AGK: variants seen among roughly 807,000 people sequenced by gnomAD.
AGK encodes acylglycerol kinase, mitochondrial.
A neutral mutation model predicts 66.4 loss-of-function variants in AGK; 52 were observed. The ratio of observed to expected loss-of-function variants is 0.78; its 90% CI spans 0.63 to 0.99. AGK has a LOEUF of 0.99. Among genes scored for constraint, AGK ranks in the 50% least tolerant of loss-of-function variants. The pLI is 0.00. For synonymous variants in AGK, 182 were observed against 181.1 expected (o/e 1.00, Z -0.04); for missense variants, 451 against 506.6 (o/e 0.89, Z 1.05).
At position 141,634,461 on chromosome 7, in the gene AGK, GGCGCCTGGCTGT is replaced by G. The variant is rs1797126919; in HGVS notation, c.668+484_668+495del. On this transcript the variant is annotated intron_variant, in intron 10 of 15. Transcript: ENST00000649286. Reference sequence around the variant, plus strand: ...CTGCTCTTAGAGGAGGAAGAAAGGCGGCGCCTGGCTGTGCTGTGAGATGGGAGAAACAGGCCT... The same window carrying G: ...CTGCTCTTAGAGGAGGAAGAAAGGCGGCTGTGAGATGGGAGAAACAGGCCT... 1.3e-5 allele frequency among the ~76,000 whole-genome samples: 2 copies of G among 152,216 alleles called. 1 individual carries two copies. Among genetic ancestry groups the G allele is most frequent in the Non-Finnish European group, 2.9e-5 (2 of 68,048 alleles).
At chr7:141,559,702 CA>C (rs1189271311) in intron 2 of AGK, among the ~76,000 whole-genome samples, 1 of 152,114 alleles carries the variant, frequency 6.6e-6, no homozygotes, top group African/African-American at 2.4e-5. Flanking sequence ...GACATTTGAA[CA>C]ATATTAAGTC....
At chr7:141,607,229 C>T (rs1279451643) in intron 5 of AGK, among the ~76,000 whole-genome samples, 1 of 152,134 alleles carries the variant, frequency 6.6e-6, no homozygotes, top group South Asian at 2.1e-4. Flanking sequence ...TTATCGGAAA[C>T]TGCCGTTCAA....
At chr7:141,584,767 A>G (rs1795961826) in intron 2 of AGK, among the ~76,000 whole-genome samples, 1 of 152,228 alleles carries the variant, frequency 6.6e-6, no homozygotes, top group South Asian at 2.1e-4. Context: ...ACTTTTCACC[A>G]TCAGCAATGC....
Position 141,633,881 on chromosome 7 carries a change from G to T in AGK, c.589-20G>T, listed in dbSNP as rs751876434. ...AGTGATTATAGTCATGAATTTAAAT[G>T]AAATGTATTTAACTTCCAGGGTGAA... is the stretch of plus-strand genomic sequence containing the variant. On this transcript the variant is annotated intron_variant, in intron 9 of 15. Coordinates refer to ENST00000649286, the MANE Select transcript of AGK (RefSeq NM_018238.4). 1.0e-5 allele frequency: 16 copies of T among 1,599,290 alleles called. No individual in the cohort carries two copies. The Admixed American group carries it at 1.8e-4, about 18-fold the overall frequency.
intron 2 of AGK, among the ~76,000 whole-genome samples, chr7:141,575,816 C>T (rs527725734): frequency 6.6e-6 from 1 of 151,968 alleles, no homozygotes; most frequent in South Asian, 2.1e-4. Context: ...AAATTCATAT[C>T]TCTGGGGTGA....
chr7:141,655,164 T>C lies in AGK; in HGVS notation c.*2240T>C, dbSNP rs1008493180. ...GCTCATTTTGTGGTTCTAATCATAATGGTACATATAATTAGGGAAGGATAT... is the reference window on the plus strand; with the variant it reads ...GCTCATTTTGTGGTTCTAATCATAACGGTACATATAATTAGGGAAGGATAT... On this transcript the variant is annotated 3_prime_UTR_variant, in exon 16 of 16. Coordinates refer to ENST00000649286, the MANE Select transcript of AGK (RefSeq NM_018238.4). The C allele has an allele frequency of 7.2e-5, 11 of 152,254 alleles. No individual in the cohort carries two copies. The highest frequency in any genetic ancestry group is 2.4e-4 in the African/African-American group (10 of 41,474). 9.4% of individuals were successfully genotyped at this position (152,254 alleles called of 1,614,324 possible).
At chr7:141,565,685 ATCC>A (rs1795453031) in intron 2 of AGK, among the ~76,000 whole-genome samples, 1 of 151,564 alleles carries the variant, frequency 6.6e-6, no homozygotes, top group African/African-American at 2.4e-5. Context: ...ATCATCCTTT[ATCC>A]TCCTTCATTC....
In AGK at chr7:141,615,506, A is replaced by G. The variant is rs1796684487; in HGVS notation, c.459A>G (p.Pro153=). 1 of 1,613,798 alleles carries G rather than the reference A, an allele frequency of 6.2e-7. No homozygotes were observed. Among genetic ancestry groups the G allele is most frequent in the Non-Finnish European group, 8.5e-7 (1 of 1,179,860 alleles). ...GTAAGATTCCCATTGGATTTATCCC[A>G]CTGGGAGAGACCAGTAGTTTGAGTC... ...TFSKIPIGFI[P]LGETSSLSHT... The change falls in exon 8 of 16, where the codon CCA becomes CCG. Residue 153 remains proline, a synonymous_variant. Coordinates refer to ENST00000649286, the MANE Select transcript of AGK (RefSeq NM_018238.4).
At chr7:141,619,643 A>G (rs1054996610) in intron 8 of AGK, among the ~76,000 whole-genome samples, 12 of 152,120 alleles carry the variant, frequency 7.9e-5, no homozygotes, top group African/African-American at 2.7e-4. Context: ...ATGAGATGCC[A>G]CTATGCATCT....
Position 141,641,398 on chromosome 7 carries a change from G to C in AGK, c.877G>C (p.Ala293Pro). 1 of 1,609,052 alleles carries C rather than the reference G, an allele frequency of 6.2e-7. No individual in the cohort carries two copies. Among genetic ancestry groups the C allele is most frequent in the Non-Finnish European group, 8.5e-7 (1 of 1,178,448 alleles). The change falls in exon 12 of 16, where the codon GCC becomes CCC. Residue 293 changes from alanine (A) to proline (P), a missense_variant and splice_region_variant. Physicochemically the swap from Ala to Pro is conservative, Grantham distance 27. Coordinates refer to ENST00000649286, the MANE Select transcript of AGK (RefSeq NM_018238.4). Reference sequence around the variant, plus strand: ...GTCCTACTGGGCACAACCACAGGATGGTGAGCAATGTGGCGACTAAAGATT... The same window carrying C: ...GTCCTACTGGGCACAACCACAGGATCGTGAGCAATGTGGCGACTAAAGATT... ...LASYWAQPQD[A>P]LSQEVSPEVW...
Position 141,652,910 on chromosome 7 carries a change from AG to A in AGK, c.1256del (p.Ser419ThrfsTer70). On this transcript the variant is annotated frameshift_variant, in exon 16 of 16. Coordinates refer to ENST00000649286, the MANE Select transcript of AGK (RefSeq NM_018238.4). LOFTEE classifies it high-confidence loss of function. Reference sequence around the variant, plus strand: ...TAGGAAGAGAGAACAGATGCTCACAAGCCCCACCCAGTGAGCAGCAGAAGAC... The same window carrying A: ...TAGGAAGAGAGAACAGATGCTCACAACCCCACCCAGTGAGCAGCAGAAGAC... ...DPRKREQMLTSPTQ is the reference protein window; with the variant it reads ...DPRKREQMLTXPTQ 6.2e-7 allele frequency: 1 copy of A among 1,613,984 alleles called. No homozygotes were observed. The highest frequency in any genetic ancestry group is 1.1e-5 in the South Asian group (1 of 91,078).
Position 141,569,439 on chromosome 7 carries a change from C to T in AGK, c.101+13872C>T, listed in dbSNP as rs1222886734. Among the ~76,000 whole-genome samples the T allele has an allele frequency of 2.6e-5, 4 of 152,234 alleles. No individual in the cohort carries two copies. The East Asian group carries it at 5.8e-4, about 22-fold the overall frequency. On this transcript the variant is annotated intron_variant, in intron 2 of 15. Coordinates refer to ENST00000649286, the MANE Select transcript of AGK (RefSeq NM_018238.4). The stretch of plus-strand genomic sequence containing the variant: ...GTCCCAGCTACTCAGGAGGTTGAGG[C>T]AGGAGAATTGTTTGAACCCGGGAGG...
chr7:141,577,818 C>CT (rs71172606), intron 2 of AGK, among the ~76,000 whole-genome samples: 2,304 of 136,420 alleles, frequency 0.017, 59 homozygotes, highest in African/African-American at 0.049. Flanking sequence ...CATAAATCTT[C>CT]TTTTTTTTTT....
At chr7:141,621,664 A>C (rs1796828111) in intron 8 of AGK, 68 bp from the exon 9 acceptor site, 8 of 970,466 alleles carry the variant, frequency 8.2e-6, no homozygotes, top group Admixed American at 5.1e-5. Context: ...GCATGAGTGC[A>C]TGTGGCAGTG....
At chr7:141,611,310 A>G (rs1355969712) in intron 6 of AGK, 23 bp downstream of exon 6, 2 of 1,564,732 alleles carry the variant, frequency 1.3e-6, no homozygotes, top group South Asian at 1.2e-5. Context: ...TTCTCTTTGA[A>G]GCTATTTTGA....
At chr7:141,579,497 T>A (rs1024158634) in intron 2 of AGK, among the ~76,000 whole-genome samples, 1 of 151,878 alleles carries the variant, frequency 6.6e-6, no homozygotes, top group Non-Finnish European at 1.5e-5. Context: ...CCTCTACCCA[T>A]CTAGTGAAAG....
intron 2 of AGK, among the ~76,000 whole-genome samples, chr7:141,567,872 T>C (rs1287151460): frequency 1.3e-5 from 2 of 152,228 alleles, no homozygotes; most frequent in African/African-American, 4.8e-5. Context: ...TGACGCTTCC[T>C]AGCAGTGTGA....
intron 3 of AGK, among the ~76,000 whole-genome samples, chr7:141,594,887 G>C (rs913975265): frequency 6.6e-6 from 1 of 152,012 alleles, no homozygotes; most frequent in South Asian, 2.1e-4. Flanking sequence ...TCCTGACCTT[G>C]TGATCCACTC....
intron 8 of AGK, chr7:141,615,824 C>A: frequency 2.4e-6 from 1 of 417,266 alleles, no homozygotes; most frequent in Non-Finnish European, 4.3e-6. Flanking sequence ...GATAATATCC[C>A]TGACCTAAAC....
Sources: gnomAD v4.1 joint callset for allele counts (sites outside exome capture counted in the v4.1 genomes callset) on GRCh38, gnomAD v4.1.1 for gene constraint, MANE v1.5 for transcripts, NCBI Gene and HGNC (gene_info 2026-07-23, HGNC 2026-07-21) for gene names.